The following ZFYVE28 variants were observed in gnomAD, a reference collection of about 807,000 sequenced individuals.
The protein encoded by ZFYVE28 is lateral signaling target protein 2 homolog.
In ZFYVE28, 40 loss-of-function variants were observed where a neutral mutation model predicts 82.1. The observed-to-expected ratio is 0.49, with a 90% confidence interval of 0.38 to 0.63. The LOEUF (loss-of-function observed/expected upper bound fraction) is 0.63, where lower values mean the gene tolerates loss of function less well. Ranked by LOEUF, ZFYVE28 falls within the 30% of genes least tolerant of loss-of-function variation. ZFYVE28 has a pLI of 0.00. For missense variants in ZFYVE28, 1,321 were observed against 1,242.1 expected (o/e 1.06, Z -0.96); for synonymous variants, 612 against 546.1 (o/e 1.12, Z -1.68).
At chr4:2,366,329 G>A (rs990908891) in intron 1 of ZFYVE28, among the ~76,000 whole-genome samples, 5 of 152,224 alleles carry the variant, frequency 3.3e-5, no homozygotes, top group Admixed American at 6.5e-5. Flanking sequence ...AAAGCTGCAC[G>A]TGGGCCTCCC....
chr4:2,325,911 T>A (rs887168571), intron 6 of ZFYVE28, among the ~76,000 whole-genome samples: 11 of 152,144 alleles, frequency 7.2e-5, no homozygotes, highest in African/African-American at 2.2e-4. Flanking sequence ...ATATTTTTTT[T>A]AATGTTTTCT....
At chr4:2,407,926 A>C (rs1732095329) in intron 1 of ZFYVE28, among the ~76,000 whole-genome samples, 3 of 152,012 alleles carry the variant, frequency 2.0e-5, no homozygotes, top group Admixed American at 6.5e-5. Context: ...GCTTGGTTTG[A>C]CCTTACGCAT....
intron 9 of ZFYVE28, among the ~76,000 whole-genome samples, chr4:2,273,784 C>T (rs747758683): frequency 2.6e-5 from 4 of 152,186 alleles, no homozygotes; most frequent in Non-Finnish European, 5.9e-5. Flanking sequence ...AGAGGTGATG[C>T]CTAGCGCCTG....
At chr4:2,379,458 C>A (rs939511270) in intron 1 of ZFYVE28, among the ~76,000 whole-genome samples, 1 of 152,202 alleles carries the variant, frequency 6.6e-6, no homozygotes, top group Non-Finnish European at 1.5e-5. Flanking sequence ...GGCTGAAGTT[C>A]ACAAGAATGT....
intron 1 of ZFYVE28, among the ~76,000 whole-genome samples, chr4:2,376,371 TAAAAAAAAAAA>T: frequency 1.3e-5 from 1 of 75,734 alleles, no homozygotes; most frequent in Non-Finnish European, 2.4e-5. Context: ...ACCCTATCTC[TAAAAAAAAAAA>T]AAAAAAAAAA....
chr4:2,286,468 G>A (rs569440074), intron 8 of ZFYVE28: 18 of 152,456 alleles, frequency 1.2e-4, no homozygotes, highest in South Asian at 4.1e-4. Context: ...AACAAGAAGC[G>A]ATGAAATAAA....
At chr4:2,317,301 A>C (rs1718371192) in intron 7 of ZFYVE28, among the ~76,000 whole-genome samples, 1 of 152,126 alleles carries the variant, frequency 6.6e-6, no homozygotes. Context: ...ATTTTAAGCA[A>C]TTTTGGATTA....
intron 2 of ZFYVE28, among the ~76,000 whole-genome samples, chr4:2,351,964 C>A (rs1447862078): frequency 6.6e-6 from 1 of 152,108 alleles, no homozygotes; most frequent in Non-Finnish European, 1.5e-5. Context: ...TACAATTATC[C>A]CTCAGTACAC....
chr4:2,397,910 C>A (rs957629486), intron 1 of ZFYVE28, among the ~76,000 whole-genome samples: 1 of 151,640 alleles, frequency 6.6e-6, no homozygotes, highest in Admixed American at 6.6e-5. Context: ...ACAGGATGTG[C>A]GGAAGGATGT....
Position 2,339,510 on chromosome 4 carries a change from T to C in ZFYVE28, c.464A>G (p.Glu155Gly), listed in dbSNP as rs1369881643. The C allele has an allele frequency of 6.2e-7, 1 of 1,613,944 alleles. No individual in the cohort carries two copies. The highest frequency in any genetic ancestry group is 8.5e-7 in the Non-Finnish European group (1 of 1,179,962). ...GTGCCTCAGCGCTTCCCTCATCTTCTCTGTGTAGGTGTTCAGGTCCCGCAG... is the reference window on the plus strand; with the variant it reads ...GTGCCTCAGCGCTTCCCTCATCTTCCCTGTGTAGGTGTTCAGGTCCCGCAG... ...QALRDLNTYT[E>G]KMREALRHFD... Residue 155 changes from glutamate to glycine, a missense_variant, in exon 4 of 13, where the codon GAG (glutamate) becomes GGG (glycine). Glu to Gly is a moderately conservative substitution (Grantham distance 98). Coordinates refer to ENST00000290974, the MANE Select transcript of ZFYVE28 (RefSeq NM_020972.3). This position sits in a 1 kb window ranked among gnomAD's most constrained non-coding sequence, Gnocchi z 5.0.
chr4:2,304,365 G>A lies in ZFYVE28; in HGVS notation c.1975C>T (p.Gln659Ter), dbSNP rs1240849629. The stretch of plus-strand genomic sequence containing the variant: ...TGCAGCTCTCTGGCCTCTGGCTCCT[G>A]CTGACCTGCAACCCCAGCCTCTCCT... ...LQGEAGVAGQQEPEARELHAG... is the reference protein window; with the variant it reads ...LQGEAGVAGQ Residue 659 changes from glutamine to a stop codon, truncating the protein, a stop_gained, in exon 8 of 13, where the codon CAG becomes TAG. Transcript: ENST00000290974. LOFTEE classifies it high-confidence loss of function. The A allele has an allele frequency of 6.2e-7, 1 of 1,610,546 alleles. No homozygotes were observed. Among genetic ancestry groups the A allele is most frequent in the Non-Finnish European group, 8.5e-7 (1 of 1,179,954 alleles).
intron 8 of ZFYVE28, among the ~76,000 whole-genome samples, chr4:2,288,685 C>T (rs762444853): frequency 2.1e-4 from 32 of 152,352 alleles, no homozygotes; most frequent in Non-Finnish European, 7.3e-5. Context: ...GTCTGTAAAA[C>T]GGGAAAGTGA....
chr4:2,271,986 C>T (rs929962460), intron 10 of ZFYVE28, among the ~76,000 whole-genome samples: 5 of 152,226 alleles, frequency 3.3e-5, no homozygotes, highest in African/African-American at 1.2e-4. Flanking sequence ...CTCCTTTGCA[C>T]AACATGGGGG....
intron 1 of ZFYVE28, among the ~76,000 whole-genome samples, chr4:2,374,197 A>G (rs948465013): frequency 1.3e-5 from 2 of 152,226 alleles, no homozygotes; most frequent in African/African-American, 2.4e-5. Flanking sequence ...GGGCAGCCAG[A>G]GTGCAAGTAC....
At chr4:2,313,455 G>A (rs983412223) in intron 7 of ZFYVE28, among the ~76,000 whole-genome samples, 3 of 151,916 alleles carry the variant, frequency 2.0e-5, no homozygotes, top group Admixed American at 6.6e-5. Context: ...ACAGTGTTTC[G>A]TCATGTTGCC....
rs369919389 is a variant in ZFYVE28 at position 2,341,455 on chromosome 4, G to A, written c.318+23C>T. The A allele has an allele frequency of 5.2e-5, 83 of 1,611,372 alleles. No individual in the cohort carries two copies. Among genetic ancestry groups the A allele is most frequent in the Admixed American group, 8.3e-5 (5 of 59,916 alleles). On this transcript the variant is annotated intron_variant, in intron 3 of 12. Coordinates refer to ENST00000290974, the MANE Select transcript of ZFYVE28 (RefSeq NM_020972.3). The surrounding 1 kb of genome is among the most constrained non-coding windows in gnomAD (Gnocchi z 4.5). ...GACGCCACCCCACATCAGGACCTCC[G>A]AACCCGGGTGGCCACCCGCTACCTC... is the stretch of plus-strand genomic sequence containing the variant.
chr4:2,383,179 GT>G (rs1294574274), intron 1 of ZFYVE28, among the ~76,000 whole-genome samples: 1 of 152,106 alleles, frequency 6.6e-6, no homozygotes, highest in Non-Finnish European at 1.5e-5. Context: ...GAATTATAAG[GT>G]TTGGCTGTGT....
chr4:2,299,447 G>T (rs1301815334), intron 8 of ZFYVE28, among the ~76,000 whole-genome samples: 6 of 150,084 alleles, frequency 4.0e-5, no homozygotes, highest in Non-Finnish European at 7.4e-5. Context: ...TACTTCTAAG[G>T]ACCAATTCTA....
Position 2,271,668 on chromosome 4 carries a change from C to T in ZFYVE28, c.2428+7G>A. ...TGCAGTGTCCTGACCCAGAGCCTCC[C>T]ACACACCTTCAAAGTCCCCATCGCG... is the stretch of plus-strand genomic sequence containing the variant. On this transcript the variant is annotated splice_region_variant and intron_variant, in intron 11 of 12. Coordinates refer to ENST00000290974, the MANE Select transcript of ZFYVE28 (RefSeq NM_020972.3). 6.2e-7 allele frequency: 1 copy of T among 1,613,582 alleles called. No homozygotes were observed. The highest frequency in any genetic ancestry group is 8.5e-7 in the Non-Finnish European group (1 of 1,179,782).
Sources: gnomAD v4.1 joint callset for allele counts (sites outside exome capture counted in the v4.1 genomes callset) on GRCh38, gnomAD v4.1.1 for gene constraint, Gnocchi (gnomAD v3.1) non-coding constraint, MANE v1.5 for transcripts, NCBI Gene and HGNC (gene_info 2026-07-23, HGNC 2026-07-21) for gene names.